Variants in LRRC37A2 observed in about 807,000 individuals in gnomAD.
The protein encoded by LRRC37A2 is leucine-rich repeat-containing protein 37A2.
Under a neutral mutation model 68.8 loss-of-function variants are expected in LRRC37A2, and 9 were observed. The observed-to-expected ratio is 0.13, with a 90% CI of 0.08 to 0.23. The LOEUF (loss-of-function observed/expected upper bound fraction) is 0.23. LRRC37A2 is among the 10% of genes least tolerant of loss of function. The probability of loss-of-function intolerance (pLI) is 1.00; values close to 1 mark genes in which losing one functional copy is unlikely to be tolerated. For synonymous variants in LRRC37A2, 63 were observed against 367.6 expected (o/e 0.17, Z 9.48); for missense variants, 168 against 950.4 (o/e 0.18, Z 10.82).
chr17:46,405,108 C>T, the LRRC37A2 span, among the ~76,000 whole-genome samples: 1 of 74,942 alleles, frequency 1.3e-5, no homozygotes. Context: ...GCATGAGAAT[C>T]GCTTGAACCA....
chr17:46,887,117 A>G, the LRRC37A2 span, among the ~76,000 whole-genome samples: 2 of 152,150 alleles, frequency 1.3e-5, no homozygotes, highest in Non-Finnish European at 2.9e-5. Context: ...GTGCCCGGCC[A>G]GCAAGAACAT....
the LRRC37A2 span, among the ~76,000 whole-genome samples, chr17:46,583,486 G>A: frequency 1.3e-5 from 1 of 74,302 alleles, no homozygotes; most frequent in African/African-American, 3.9e-5. Context: ...TAGTAGAGAC[G>A]GGGTTTCACC....
chr17:46,872,777 G>A, the LRRC37A2 span: 6 of 1,597,028 alleles, frequency 3.8e-6, no homozygotes, highest in Non-Finnish European at 5.1e-6. Flanking sequence ...AAGAGAGGTG[G>A]GGAGGAGGGC....
At chr17:47,001,945 G>C in the LRRC37A2 span, among the ~76,000 whole-genome samples, 1 of 151,998 alleles carries the variant, frequency 6.6e-6, no homozygotes, top group Middle Eastern at 3.4e-3. Context: ...ACAAATGTTG[G>C]CCAGGCTGGT....
At chr17:46,734,854 C>T in the LRRC37A2 span, among the ~76,000 whole-genome samples, 4 of 152,060 alleles carry the variant, frequency 2.6e-5, no homozygotes, top group African/African-American at 9.7e-5. Context: ...GCCAGGAGTT[C>T]GAGACCAGCC....
At chr17:46,540,098 C>G in intron 6 of LRRC37A2, 78 bp from the exon 6 acceptor site, 1 of 1,543,970 alleles carries the variant, frequency 6.5e-7, no homozygotes, top group African/African-American at 1.5e-5. Context: ...AGTTCCATAT[C>G]AAAAAATGAA....
At chr17:47,013,313 T>A in the LRRC37A2 span, among the ~76,000 whole-genome samples, 1 of 152,214 alleles carries the variant, frequency 6.6e-6, no homozygotes, top group Non-Finnish European at 1.5e-5. Context: ...TAAAAACCAT[T>A]GAATTGTACA....
the LRRC37A2 span, among the ~76,000 whole-genome samples, chr17:46,855,074 A>C: frequency 6.7e-6 from 1 of 150,096 alleles, no homozygotes; most frequent in East Asian, 2.0e-4. Context: ...AGAAAGGTTC[A>C]GTCAGTCACC....
the LRRC37A2 span, among the ~76,000 whole-genome samples, chr17:46,685,508 T>C: frequency 6.5e-4 from 98 of 151,054 alleles, no homozygotes; most frequent in African/African-American, 9.8e-4. Flanking sequence ...TAGTTAAATA[T>C]AGAACAGCCG....
the LRRC37A2 span, among the ~76,000 whole-genome samples, chr17:47,038,893 C>T: frequency 7.4e-6 from 1 of 134,422 alleles, no homozygotes; most frequent in Non-Finnish European, 1.6e-5. Context: ...AGGGTTTCAC[C>T]ATGTTTGCCA....
chr17:46,856,171 T>A, the LRRC37A2 span, among the ~76,000 whole-genome samples: 1 of 152,236 alleles, frequency 6.6e-6, no homozygotes, highest in Admixed American at 6.5e-5. Context: ...AGACAGTGAA[T>A]CCCAGCTTTG....
At chr17:46,796,486 C>T in the LRRC37A2 span, among the ~76,000 whole-genome samples, 2 of 152,186 alleles carry the variant, frequency 1.3e-5, no homozygotes, top group East Asian at 3.8e-4. Context: ...TGGTCTGGCT[C>T]CAGAGGCTGA....
intron 8 of LRRC37A2, among the ~76,000 whole-genome samples, chr17:46,541,737 A>G (rs1402520122): frequency 1.3e-5 from 2 of 150,974 alleles, no homozygotes; most frequent in Admixed American, 1.3e-4. Context: ...AAAATTTAAA[A>G]TACAGTATAA....
At chr17:46,975,061 A>T in the LRRC37A2 span, 1 of 149,732 alleles carries the variant, frequency 6.7e-6, no homozygotes, top group East Asian at 1.9e-4. Flanking sequence ...TTAGGGAAAG[A>T]GTTCATACGA....
the LRRC37A2 span, among the ~76,000 whole-genome samples, chr17:46,934,305 C>A: frequency 6.6e-6 from 1 of 151,968 alleles, no homozygotes; most frequent in African/African-American, 2.4e-5. Context: ...GAGTTGGAGA[C>A]CAGCCTGAGC....
the LRRC37A2 span, among the ~76,000 whole-genome samples, chr17:46,754,620 T>C: frequency 1.3e-5 from 2 of 152,180 alleles, no homozygotes; most frequent in African/African-American, 2.4e-5. Flanking sequence ...AGTATAAATA[T>C]GAATAGAAAA....
chr17:47,019,719 T>C, the LRRC37A2 span: 1 of 972,422 alleles, frequency 1.0e-6, no homozygotes, highest in Admixed American at 1.8e-5. Flanking sequence ...GATGTTGTCA[T>C]GTATTGATCT....
the LRRC37A2 span, among the ~76,000 whole-genome samples, chr17:46,997,080 G>C: frequency 6.6e-6 from 1 of 152,318 alleles, no homozygotes; most frequent in Non-Finnish European, 1.5e-5. Context: ...GCCAGGCACA[G>C]TGGCTCACGT....
chr17:46,771,362 C>A, the LRRC37A2 span, among the ~76,000 whole-genome samples: 7 of 151,858 alleles, frequency 4.6e-5, no homozygotes, highest in African/African-American at 1.7e-4. Context: ...GCCCTGGGGG[C>A]GCCTCGGGGA....
Sources: allele counts gnomAD v4.1 joint callset (sites outside exome capture counted in the v4.1 genomes callset), GRCh38; gene constraint gnomAD v4.1.1; transcripts MANE v1.5; gene names NCBI Gene and HGNC (gene_info 2026-07-23, HGNC 2026-07-21).